Variants in PAPOLA observed in about 807,000 individuals in gnomAD.
The protein encoded by PAPOLA is polynucleotide adenylyltransferase alpha.
In PAPOLA, 15 loss-of-function variants were observed where a neutral mutation model predicts 100.6. That is an observed-to-expected ratio of 0.15 (90% CI 0.10 to 0.23). PAPOLA has a LOEUF of 0.23. Among genes scored for constraint, PAPOLA ranks in the 10% least tolerant of loss-of-function variants. The probability of loss-of-function intolerance (pLI) is 1.00; values close to 1 mark genes in which losing one functional copy is unlikely to be tolerated. For synonymous variants in PAPOLA, 293 were observed against 300.0 expected (o/e 0.98, Z 0.24); for missense variants, 533 against 884.2 (o/e 0.60, Z 5.04).
At chr14:96,556,127 CT>C in intron 18 of PAPOLA, 47 bp from the exon 19 acceptor site, 1 of 1,441,328 alleles carries the variant, frequency 6.9e-7, no homozygotes, top group Non-Finnish European at 9.7e-7. Flanking sequence ...CAACTTGATA[CT>C]GATTTGGTTA....
intron 1 of PAPOLA, among the ~76,000 whole-genome samples, chr14:96,506,516 A>G (rs1896726741): frequency 1.3e-5 from 2 of 152,230 alleles, no homozygotes; most frequent in African/African-American, 4.8e-5. Context: ...TGTCACTCCA[A>G]GGTAAACAAC....
chr14:96,548,148 T>C (rs1900537698), intron 16 of PAPOLA, among the ~76,000 whole-genome samples: 1 of 152,152 alleles, frequency 6.6e-6, no homozygotes, highest in Non-Finnish European at 1.5e-5. Context: ...CTTCATATCC[T>C]TACTTTGTAT....
In PAPOLA at chr14:96,566,439, T is replaced by C. The variant is rs1387451052; in HGVS notation, c.*1389T>C. The C allele has an allele frequency of 6.6e-6, 1 of 152,628 alleles. No homozygotes were observed. Among genetic ancestry groups the C allele is most frequent in the Non-Finnish European group, 1.5e-5 (1 of 68,042 alleles). The allele number at this position is 152,628 out of a possible 1,614,324, so 9.5% of individuals were successfully genotyped here. On this transcript the variant is annotated 3_prime_UTR_variant, in exon 22 of 22. Transcript: ENST00000216277. ...TTACTCTTTCTGAATCTGGACAAAG[T>C]CGACTTAACAGATTTTTCTGATGAG...
chr14:96,502,472 G>T lies in PAPOLA; in HGVS notation c.-121G>T, dbSNP rs1175795045. ...AAGCGGCGGGAGCGGTGCGGGAGAG[G>T]GGTTGGACCCAGGGCTGAGGCAGGC... On this transcript the variant is annotated 5_prime_UTR_variant, in exon 1 of 22. Coordinates refer to ENST00000216277, the MANE Select transcript of PAPOLA (RefSeq NM_032632.5). 1.3e-6 allele frequency: 1 copy of T among 758,560 alleles called. No homozygotes were observed. Among genetic ancestry groups the T allele is most frequent in the Admixed American group, 2.3e-5 (1 of 43,884 alleles). 47.0% of individuals were successfully genotyped at this position (758,560 alleles called of 1,614,324 possible).
intron 5 of PAPOLA, 49 bp downstream of exon 5, chr14:96,527,588 A>T (rs777209179): frequency 1.0e-6 from 1 of 982,322 alleles, no homozygotes; most frequent in Admixed American, 1.8e-5. Context: ...ACATTCATTT[A>T]GTCAGTTGAG....
At chr14:96,532,696 A>C in intron 9 of PAPOLA, 47 bp downstream of exon 9, 2 of 1,517,282 alleles carry the variant, frequency 1.3e-6, no homozygotes, top group Non-Finnish European at 1.8e-6. Context: ...TAGACACTGA[A>C]GTTTAGTCTT....
At chr14:96,557,340 C>CT (rs1901426668) in intron 19 of PAPOLA, among the ~76,000 whole-genome samples, 1 of 152,254 alleles carries the variant, frequency 6.6e-6, no homozygotes, top group Admixed American at 6.5e-5. Flanking sequence ...AACCACTATG[C>CT]TTTGCAAGCT....
chr14:96,531,097 G>T (rs558605120), intron 6 of PAPOLA, among the ~76,000 whole-genome samples: 1 of 152,260 alleles, frequency 6.6e-6, no homozygotes, highest in South Asian at 2.1e-4. Context: ...TGCCTCCTGG[G>T]TTCACACCAT....
chr14:96,561,006 G>A (rs1195190450), intron 20 of PAPOLA, among the ~76,000 whole-genome samples: 3 of 152,156 alleles, frequency 2.0e-5, no homozygotes, highest in African/African-American at 7.2e-5. Context: ...AGAAAAGTAA[G>A]ATGTTATTTC....
intron 3 of PAPOLA, among the ~76,000 whole-genome samples, chr14:96,522,835 T>C (rs1898115431): frequency 6.6e-6 from 1 of 152,118 alleles, no homozygotes; most frequent in Non-Finnish European, 1.5e-5. Flanking sequence ...TTTAAAAAAA[T>C]AACATAAATA....
chr14:96,564,920 T>TAAA, intron 21 of PAPOLA, 35 bp from the exon 22 acceptor site: 1 of 1,067,256 alleles, frequency 9.4e-7, no homozygotes, highest in South Asian at 1.3e-5. Context: ...TTATGGTGCT[T>TAAA]TGAACAATGT....
chr14:96,505,266 C>T (rs1451299894), intron 1 of PAPOLA, among the ~76,000 whole-genome samples: 2 of 152,172 alleles, frequency 1.3e-5, no homozygotes, highest in Non-Finnish European at 2.9e-5. Flanking sequence ...CTCCACCCCT[C>T]CATTTCCCCA....
intron 12 of PAPOLA, among the ~76,000 whole-genome samples, chr14:96,540,074 CCTTTTGGATTTCAGTA>C: frequency 6.6e-6 from 1 of 152,134 alleles, no homozygotes; most frequent in African/African-American, 2.4e-5. Flanking sequence ...GTACTCTTTC[CCTTTTGGATTTCAGTA>C]AGAAGTTATG....
Position 96,535,893 on chromosome 14 carries a change from T to C in PAPOLA, c.924T>C (p.Asp308=), listed in dbSNP as rs757067344. The C allele has an allele frequency of 1.3e-6, 2 of 1,594,860 alleles. No homozygotes were observed. Among genetic ancestry groups the C allele is most frequent in the South Asian group, 2.3e-5 (2 of 87,546 alleles). Reference sequence around the variant, plus strand: ...GTTGTATGTAGGTAAACCCCAGTGATAGGTACCATCTTATGCCTATAATTA... The same window carrying C: ...GTTGTATGTAGGTAAACCCCAGTGACAGGTACCATCTTATGCCTATAATTA... ...PVWDPRVNPS[D]RYHLMPIITP... Residue 308 remains aspartate (D), a synonymous_variant, in exon 11 of 22, where the codon GAT becomes GAC. Transcript: ENST00000216277.
At chr14:96,503,935 A>G (rs1409518560) in intron 1 of PAPOLA, among the ~76,000 whole-genome samples, 1 of 152,204 alleles carries the variant, frequency 6.6e-6, no homozygotes, top group Non-Finnish European at 1.5e-5. Context: ...CCCTTAGGTT[A>G]TTAAGAAGTC....
At chr14:96,549,775 G>C (rs1405398708) in intron 16 of PAPOLA, among the ~76,000 whole-genome samples, 1 of 152,098 alleles carries the variant, frequency 6.6e-6, no homozygotes, top group African/African-American at 2.4e-5. Context: ...TTAAACACTT[G>C]CTTTCTAATT....
chr14:96,531,699 A>G (rs1167498349), intron 7 of PAPOLA, 113 bp downstream of exon 7: 17 of 1,515,430 alleles, frequency 1.1e-5, no homozygotes, highest in Non-Finnish European at 1.5e-5. Flanking sequence ...CACAGTAGTG[A>G]GTTAAATAAA....
chr14:96,545,601 A>T (rs185446760), intron 15 of PAPOLA, among the ~76,000 whole-genome samples: 2 of 152,142 alleles, frequency 1.3e-5, no homozygotes, highest in African/African-American at 4.8e-5. Context: ...TTTAAATTTA[A>T]AATTGAAGTG....
chr14:96,544,810 A>T (rs1595543755), intron 15 of PAPOLA, among the ~76,000 whole-genome samples: 1 of 152,076 alleles, frequency 6.6e-6, no homozygotes, highest in African/African-American at 2.4e-5. Context: ...TTGATGAAGC[A>T]GAACTTGTGA....
Sources: allele counts gnomAD v4.1 joint callset (sites outside exome capture counted in the v4.1 genomes callset), GRCh38; gene constraint gnomAD v4.1.1; transcripts MANE v1.5; gene names NCBI Gene and HGNC (gene_info 2026-07-23, HGNC 2026-07-21).